The following AGK variants were observed in gnomAD, a reference collection of about 807,000 sequenced individuals.
AGK encodes the protein acylglycerol kinase, also known as acylglycerol kinase, mitochondrial.
A neutral mutation model predicts 66.4 loss-of-function variants in AGK; 52 were observed. The ratio of observed to expected loss-of-function variants is 0.78; its 90% CI spans 0.63 to 0.99. The LOEUF is 0.99. Ranked by LOEUF, AGK falls within the 50% of genes least tolerant of loss-of-function variation. The pLI, the probability that AGK is intolerant of heterozygous loss-of-function variation, is 0.00. For synonymous variants in AGK, 182 were observed against 181.1 expected (o/e 1.00, Z -0.04); for missense variants, 451 against 506.6 (o/e 0.89, Z 1.05).
intron 8 of AGK, among the ~76,000 whole-genome samples, chr7:141,618,842 G>A (rs1796763707): frequency 6.6e-6 from 1 of 151,972 alleles, no homozygotes; most frequent in South Asian, 2.1e-4. Flanking sequence ...ACTTGTAGTT[G>A]TACTTAAACT....
intron 2 of AGK, among the ~76,000 whole-genome samples, chr7:141,565,162 A>G (rs1252844550): frequency 1.3e-5 from 2 of 152,196 alleles, no homozygotes; most frequent in African/African-American, 4.8e-5. Flanking sequence ...AGTTACCAGC[A>G]ATATGAAGCC....
intron 8 of AGK, among the ~76,000 whole-genome samples, chr7:141,618,692 A>C (rs1407971214): frequency 6.6e-6 from 1 of 152,122 alleles, no homozygotes; most frequent in African/African-American, 2.4e-5. Flanking sequence ...CAAATCAGTT[A>C]CCATAGGATG....
At chr7:141,596,846 T>C (rs1039689271) in intron 4 of AGK, 2 of 549,978 alleles carry the variant, frequency 3.6e-6, no homozygotes, top group African/African-American at 1.9e-5. Flanking sequence ...ACTTGTCTAA[T>C]TGAAGTTTAA....
intron 4 of AGK, among the ~76,000 whole-genome samples, chr7:141,597,890 C>CAAAAAAAAAAAAAAAAAAAA (rs56295907): frequency 3.2e-4 from 23 of 71,438 alleles, no homozygotes; most frequent in South Asian, 1.1e-3. Flanking sequence ...GACTCTGTCT[C>CAAAAAAAAAAAAAAAAAAAA]AAAAAAAAAA....
intron 3 of AGK, among the ~76,000 whole-genome samples, chr7:141,594,739 G>A (rs956243266): frequency 1.1e-4 from 17 of 151,766 alleles, no homozygotes; most frequent in Non-Finnish European, 1.5e-5. Context: ...TGCAACCTCC[G>A]CCTCCCAGGT....
intron 3 of AGK, chr7:141,593,923 T>C (rs969325118): frequency 1.3e-5 from 2 of 153,616 alleles, no homozygotes; most frequent in African/African-American, 4.8e-5. Context: ...CTCATGTTTG[T>C]TTCTGAAATG....
chr7:141,631,819 A>G (rs575521266), intron 9 of AGK, among the ~76,000 whole-genome samples: 20 of 152,310 alleles, frequency 1.3e-4, no homozygotes, highest in Non-Finnish European at 2.9e-4. Context: ...AAAGGCCTTC[A>G]AGGCCAAACA....
chr7:141,575,689 T>G (rs2116886190), intron 2 of AGK, among the ~76,000 whole-genome samples: 4 of 127,068 alleles, frequency 3.1e-5, no homozygotes, highest in East Asian at 5.1e-4. Context: ...TTTTTGGGCC[T>G]GGCTGCTTCT....
chr7:141,565,829 A>G (rs1372192876), intron 2 of AGK, among the ~76,000 whole-genome samples: 1 of 152,114 alleles, frequency 6.6e-6, no homozygotes, highest in African/African-American at 2.4e-5. Context: ...TGGGTTCTTA[A>G]TAACAGCCTC....
At chr7:141,638,861 G>A (rs1334133401) in intron 11 of AGK, among the ~76,000 whole-genome samples, 1 of 152,112 alleles carries the variant, frequency 6.6e-6, no homozygotes, top group East Asian at 1.9e-4. Flanking sequence ...ATACAATTGT[G>A]ATTTAGGTCG....
At chr7:141,637,100 T>G in intron 11 of AGK, 83 bp downstream of exon 11, 1 of 1,140,648 alleles carries the variant, frequency 8.8e-7, no homozygotes. Flanking sequence ...TTTTTTTTAA[T>G]TCCTTGCTAC....
intron 14 of AGK, 121 bp downstream of exon 14, chr7:141,649,454 C>T (rs1397903733): frequency 5.3e-6 from 4 of 752,746 alleles, no homozygotes; most frequent in Admixed American, 4.8e-5. Context: ...TTGGGAATTT[C>T]GATGTTATTT....
At chr7:141,574,649 C>T (rs572621931) in intron 2 of AGK, among the ~76,000 whole-genome samples, 31 of 152,274 alleles carry the variant, frequency 2.0e-4, no homozygotes, top group African/African-American at 6.3e-4. Context: ...GTGAGAGAAG[C>T]CTCCAGGCGA....
intron 6 of AGK, among the ~76,000 whole-genome samples, chr7:141,612,967 A>G (rs1426183917): frequency 6.6e-6 from 1 of 152,178 alleles, no homozygotes; most frequent in Non-Finnish European, 1.5e-5. Context: ...AGGGATCAGA[A>G]GCTAACAGCA....
intron 2 of AGK, among the ~76,000 whole-genome samples, chr7:141,557,877 C>T (rs1407742239): frequency 6.6e-6 from 1 of 152,132 alleles, no homozygotes; most frequent in Non-Finnish European, 1.5e-5. Context: ...AACATTTTCA[C>T]CTTAACCATT....
At chr7:141,621,658 G>T in intron 8 of AGK, 74 bp from the exon 9 acceptor site, 1 of 917,600 alleles carries the variant, frequency 1.1e-6, no homozygotes, top group Non-Finnish European at 1.8e-6. Flanking sequence ...GTTTGTGCAT[G>T]AGTGCATGTG....
intron 2 of AGK, among the ~76,000 whole-genome samples, chr7:141,574,261 G>A (rs1795682870): frequency 6.6e-6 from 1 of 152,130 alleles, no homozygotes; most frequent in East Asian, 1.9e-4. Context: ...AATGGCTGGT[G>A]GTAGAAGGTC....
intron 7 of AGK, among the ~76,000 whole-genome samples, chr7:141,614,494 T>C (rs1796664613): frequency 6.6e-6 from 1 of 152,026 alleles, no homozygotes; most frequent in Non-Finnish European, 1.5e-5. Context: ...GGGAATCATC[T>C]AACAGTTAAA....
chr7:141,582,416 A>G lies in AGK; in HGVS notation c.102-10730A>G, dbSNP rs566377406. ...TTGCCTGCCTCTACTCTATTATTGT[A>G]CACCTTGAAGGCAAGGTTAATTAAG... On this transcript the variant is annotated intron_variant, in intron 2 of 15. Transcript: ENST00000649286. Among the ~76,000 whole-genome samples, 19 of 152,134 alleles carry G rather than the reference A, an allele frequency of 1.2e-4. No individual in the cohort carries two copies. The South Asian group carries it at 3.9e-3, about 32-fold the overall frequency.
Sources: gnomAD v4.1 joint callset for allele counts (sites outside exome capture counted in the v4.1 genomes callset) on GRCh38, gnomAD v4.1.1 for gene constraint, MANE v1.5 for transcripts, NCBI Gene and HGNC (gene_info 2026-07-23, HGNC 2026-07-21) for gene names.